The following IFNLR1 variants were observed in gnomAD, a reference collection of about 807,000 sequenced individuals.
IFNLR1 encodes the protein interferon lambda receptor 1.
In IFNLR1, 28 loss-of-function variants were observed where a neutral mutation model predicts 52.5. The ratio of observed to expected loss-of-function variants is 0.53; its 90% CI spans 0.40 to 0.73. The LOEUF (loss-of-function observed/expected upper bound fraction) is 0.73. Ranked by LOEUF, IFNLR1 falls within the 30% of genes least tolerant of loss-of-function variation. The probability of loss-of-function intolerance (pLI) is 0.00; values close to 1 mark genes in which losing one functional copy is unlikely to be tolerated. For missense variants in IFNLR1, 623 were observed against 659.1 expected, an observed-to-expected ratio of 0.95 and a Z score of 0.60; for synonymous variants, 276 against 274.9, an observed-to-expected ratio of 1.00 and a Z score of -0.04.
rs74903190 is a variant in IFNLR1, at chr1:24,170,886, G to A, written c.183-1285C>T. On this transcript the variant is annotated intron_variant, in intron 2 of 6. Coordinates refer to ENST00000327535, the MANE Select transcript of IFNLR1 (RefSeq NM_170743.4). ...GAGTGACCAAGGATGAATGGAGAAG[G>A]CTGAGATGGGGGCTGACACAAAGAT... Among the ~76,000 whole-genome samples, 21 of 152,340 alleles carry A rather than the reference G, an allele frequency of 1.4e-4. No individual in the cohort carries two copies. In the East Asian group the frequency reaches 4.0e-3, roughly 29 times the overall value.
chr1:24,162,054 C>T (rs1644449312), intron 3 of IFNLR1, among the ~76,000 whole-genome samples: 1 of 152,158 alleles, frequency 6.6e-6, no homozygotes, highest in African/African-American at 2.4e-5. Flanking sequence ...ACCACACACA[C>T]AGTGCCTTAA....
At position 24,159,115 on chromosome 1, in the gene IFNLR1, AC is replaced by A. The variant is rs1265968168; in HGVS notation, c.737del (p.Gly246ValfsTer2). ...LILLLVIAAG[G>X]VIWKTLMGNP... ...TCCCCATGAGGGTCTTCCAGATCACACCCCCTGCGGCAATTACTAACAGCAG... is the reference window on the plus strand; with the variant it reads ...TCCCCATGAGGGTCTTCCAGATCACACCCCTGCGGCAATTACTAACAGCAG... On this transcript the variant is annotated frameshift_variant, in exon 6 of 7. Coordinates refer to ENST00000327535, the MANE Select transcript of IFNLR1 (RefSeq NM_170743.4). LOFTEE classifies it high-confidence loss of function. 6.2e-7 allele frequency: 1 copy of A among 1,613,782 alleles called. No individual in the cohort carries two copies. The highest frequency in any genetic ancestry group is 1.7e-5 in the Admixed American group (1 of 59,980).
intron 1 of IFNLR1, among the ~76,000 whole-genome samples, chr1:24,186,185 C>T (rs889553491): frequency 1.3e-5 from 2 of 152,152 alleles, no homozygotes; most frequent in Admixed American, 1.3e-4. Flanking sequence ...GCACTGGGGG[C>T]TGGAGCATCC....
At chr1:24,181,511 A>G (rs113227604) in intron 1 of IFNLR1, among the ~76,000 whole-genome samples, 17 of 152,152 alleles carry the variant, frequency 1.1e-4, no homozygotes, top group African/African-American at 3.4e-4. Flanking sequence ...TCCCTTACAT[A>G]ATATACTTCT....
At chr1:24,158,861 G>T in intron 6 of IFNLR1, 191 bp downstream of exon 6, 1 of 656,538 alleles carries the variant, frequency 1.5e-6, no homozygotes, top group Non-Finnish European at 2.7e-6. Flanking sequence ...CTCCCTCCAG[G>T]GCCTGTTTGC....
At chr1:24,180,941 C>A in intron 1 of IFNLR1, 87 bp from the exon 2 acceptor site, 1 of 1,403,614 alleles carries the variant, frequency 7.1e-7, no homozygotes, top group Non-Finnish European at 9.6e-7. Flanking sequence ...GCACGAAGGG[C>A]AAGCAGGTGC....
intron 1 of IFNLR1, among the ~76,000 whole-genome samples, chr1:24,182,497 T>C (rs988293183): frequency 3.3e-5 from 5 of 152,250 alleles, no homozygotes; most frequent in Admixed American, 2.0e-4. Context: ...TCATTTTAAC[T>C]TGAAAGTATG....
At chr1:24,180,195 G>A (rs1473190915) in intron 2 of IFNLR1, among the ~76,000 whole-genome samples, 1 of 151,952 alleles carries the variant, frequency 6.6e-6, no homozygotes, top group Non-Finnish European at 1.5e-5. Context: ...TACTCTGGAG[G>A]CTGAGGCAGG....
chr1:24,175,265 C>A (rs1028225954), intron 2 of IFNLR1, among the ~76,000 whole-genome samples: 4 of 152,238 alleles, frequency 2.6e-5, no homozygotes, highest in African/African-American at 9.6e-5. Flanking sequence ...TGCTGCTAAC[C>A]AGTGACTCGA....
chr1:24,187,171 C>T lies in IFNLR1; in HGVS notation c.58+20G>A, dbSNP rs1644747322. 2 of 1,361,250 alleles carry T rather than the reference C, an allele frequency of 1.5e-6. No individual in the cohort carries two copies. The highest frequency in any genetic ancestry group is 1.9e-6 in the Non-Finnish European group (2 of 1,052,022). 84.3% of individuals were successfully genotyped at this position (1,361,250 alleles called of 1,614,324 possible). The stretch of plus-strand genomic sequence containing the variant: ...CGGGGAGCCCTCTTCCCCCTCCCTC[C>T]CGCGGCCCCGCGCCCTTACCTGGAG... On this transcript the variant is annotated intron_variant, in intron 1 of 6. Coordinates refer to ENST00000327535, the MANE Select transcript of IFNLR1 (RefSeq NM_170743.4).
At position 24,161,518 on chromosome 1, in the gene IFNLR1, G is replaced by C. The variant is rs148264003; in HGVS notation, c.510+24C>G. The C allele has an allele frequency of 4.6e-4, 707 of 1,553,506 alleles. 12 individuals are homozygous for C. The South Asian group carries it at 6.8e-3, about 15-fold the overall frequency. On this transcript the variant is annotated intron_variant, in intron 4 of 6. Coordinates refer to ENST00000327535, the MANE Select transcript of IFNLR1 (RefSeq NM_170743.4). ...AGGGGTGGAGGAGCGGGCCTAGCCTGGGGGCAGGAAAGGAGCTTCCCACCT... is the reference window on the plus strand; with the variant it reads ...AGGGGTGGAGGAGCGGGCCTAGCCTCGGGGCAGGAAAGGAGCTTCCCACCT...
Position 24,159,558 on chromosome 1 carries a change from G to A in IFNLR1, c.586C>T (p.Leu196Phe). 6.2e-7 allele frequency: 1 copy of A among 1,613,810 alleles called. No individual in the cohort carries two copies. Among genetic ancestry groups the A allele is most frequent in the Non-Finnish European group, 8.5e-7 (1 of 1,179,910 alleles). Residue 196 changes from leucine (L) to phenylalanine (F), a missense_variant, in exon 5 of 7, where the codon CTC (leucine) becomes TTC (phenylalanine). By Grantham distance (22) the Leu-to-Phe change is conservative (BLOSUM62 0). Transcript: ENST00000327535. ...AACGTGTAGATGGTTCTGGCACTGAGGCAGTGGTGTTCGCTGGCAGCTGGC... is the reference window on the plus strand; with the variant it reads ...AACGTGTAGATGGTTCTGGCACTGAAGCAGTGGTGTTCGCTGGCAGCTGGC... ...LQPAASEHHC[L>F]SARTIYTFSV...
At chr1:24,174,861 C>T (rs1644616431) in intron 2 of IFNLR1, among the ~76,000 whole-genome samples, 2 of 149,468 alleles carry the variant, frequency 1.3e-5, no homozygotes, top group African/African-American at 2.5e-5. Flanking sequence ...TCAGCCTATC[C>T]ACATTGCAAA....
intron 2 of IFNLR1, 87 bp downstream of exon 2, chr1:24,180,644 C>T (rs1429690450): frequency 6.7e-6 from 9 of 1,351,124 alleles, no homozygotes; most frequent in African/African-American, 1.4e-5. Flanking sequence ...GCTGCCCACA[C>T]TGGGTGCAGC....
intron 2 of IFNLR1, among the ~76,000 whole-genome samples, chr1:24,177,959 G>A (rs1017351580): frequency 1.1e-4 from 17 of 152,086 alleles, no homozygotes; most frequent in Non-Finnish European, 1.6e-4. Flanking sequence ...GGAAGCACCC[G>A]TATAACTCAT....
At position 24,177,443 on chromosome 1, in the gene IFNLR1, C is replaced by T. The variant is rs186669373; in HGVS notation, c.182+3288G>A. Among the ~76,000 whole-genome samples, 9 of 152,292 alleles carry T rather than the reference C, an allele frequency of 5.9e-5. No individual in the cohort carries two copies. In the East Asian group the frequency reaches 1.4e-3, roughly 23 times the overall value. On this transcript the variant is annotated intron_variant, in intron 2 of 6. Transcript: ENST00000327535. ...CCAAGAGTCTAAAGGCCAAAAAACC[C>T]GGAGTGTGATGTTCAAGGGCAGGAG...
intron 2 of IFNLR1, 64 bp downstream of exon 2, chr1:24,180,667 G>GCCCCGA: frequency 7.5e-7 from 1 of 1,325,308 alleles, no homozygotes; most frequent in Non-Finnish European, 1.1e-6. Flanking sequence ...TCCCAGAGAA[G>GCCCCGA]CCCCTCCAGC....
intron 4 of IFNLR1, 111 bp from the exon 5 acceptor site, chr1:24,159,744 T>TG (rs1644423070): frequency 1.1e-6 from 1 of 946,556 alleles, no homozygotes; most frequent in Non-Finnish European, 1.5e-6. Context: ...TTTGTTTTTT[T>TG]TTTTTGTTTT....
At chr1:24,184,001 A>G (rs1250030193) in intron 1 of IFNLR1, among the ~76,000 whole-genome samples, 1 of 152,152 alleles carries the variant, frequency 6.6e-6, no homozygotes, top group Admixed American at 6.5e-5. Flanking sequence ...AAGTGCTGGG[A>G]TTACAGGCCT....
Sources: allele counts gnomAD v4.1 joint callset (sites outside exome capture counted in the v4.1 genomes callset), GRCh38; gene constraint gnomAD v4.1.1; transcripts MANE v1.5; gene names NCBI Gene and HGNC (gene_info 2026-07-23, HGNC 2026-07-21).